Variants in KIF5A observed in about 807,000 individuals in gnomAD.
KIF5A encodes the protein kinesin heavy chain isoform 5A.
KIF5A carries 35 observed loss-of-function variants against 141.3 expected under a neutral mutation model. The ratio of observed to expected loss-of-function variants is 0.25; its 90% CI spans 0.19 to 0.33. The LOEUF (loss-of-function observed/expected upper bound fraction) is 0.33. Ranked by LOEUF, KIF5A falls within the 10% of genes least tolerant of loss-of-function variation. KIF5A has a pLI of 1.00. For synonymous variants in KIF5A, 448 were observed against 500.2 expected (o/e 0.90, Z 1.39); for missense variants, 861 against 1,314.3 (o/e 0.66, Z 5.33).
rs1882386176 is a variant in KIF5A, at chr12:57,575,234, G to A, written c.1867G>A (p.Gly623Arg). Reference sequence around the variant, plus strand: ...GTGTCACCGCAAGATGGAAGTGACCGGGCGGGAGCTCTCATCCTGCCAGCT... The same window carrying A: ...GTGTCACCGCAAGATGGAAGTGACCAGGCGGGAGCTCTCATCCTGCCAGCT... Reference protein sequence around the residue: ...VECHRKMEVTGRELSSCQLLI... With the variant: ...VECHRKMEVTRRELSSCQLLI... The change falls in exon 16 of 29, where the codon GGG becomes AGG. Residue 623 changes from glycine to arginine, a missense_variant. Coordinates refer to ENST00000455537, the MANE Select transcript of KIF5A (RefSeq NM_004984.4). 5 of 1,613,610 alleles carry A rather than the reference G, an allele frequency of 3.1e-6. No individual in the cohort carries two copies. The highest frequency in any genetic ancestry group is 2.2e-5 in the East Asian group (1 of 44,888).
chr12:57,568,588 G>A (rs1882143301), intron 8 of KIF5A, among the ~76,000 whole-genome samples: 1 of 152,124 alleles, frequency 6.6e-6, no homozygotes, highest in Non-Finnish European at 1.5e-5. Context: ...AGCTGGGCGT[G>A]GTGGCACATG....
intron 12 of KIF5A, among the ~76,000 whole-genome samples, chr12:57,570,734 C>T (rs1244483133): frequency 6.6e-6 from 1 of 152,068 alleles, no homozygotes; most frequent in Non-Finnish European, 1.5e-5. Flanking sequence ...TTATATTATG[C>T]ACAATTTCCT....
intron 7 of KIF5A, 81 bp downstream of exon 7, chr12:57,567,294 G>A: frequency 7.6e-7 from 1 of 1,323,412 alleles, no homozygotes; most frequent in Non-Finnish European, 1.1e-6. Context: ...GGACTCAAAA[G>A]TGAGCAAGGA....
chr12:57,581,719 C>T (rs1882608392), intron 25 of KIF5A, 151 bp downstream of exon 25: 2 of 1,216,334 alleles, frequency 1.6e-6, no homozygotes, highest in South Asian at 2.5e-5. Context: ...GGTGTCTGCC[C>T]TCCCAGCCTG....
At chr12:57,580,780 C>T (rs1882570656) in intron 23 of KIF5A, among the ~76,000 whole-genome samples, 176 bp from the exon 24 acceptor site, 1 of 152,224 alleles carries the variant, frequency 6.6e-6, no homozygotes, top group Non-Finnish European at 1.5e-5. Flanking sequence ...CTGGACAGAA[C>T]AGTCCATTAC....
At chr12:57,579,824 A>G (rs539395263) in intron 23 of KIF5A, among the ~76,000 whole-genome samples, 1 of 152,078 alleles carries the variant, frequency 6.6e-6, no homozygotes, top group African/African-American at 2.4e-5. Flanking sequence ...CCCCAGAAAA[A>G]TTTCCATGAA....
chr12:57,567,335 T>G (rs533170858), intron 7 of KIF5A, 122 bp downstream of exon 7: 259 of 1,215,994 alleles, frequency 2.1e-4, no homozygotes, highest in Middle Eastern at 7.5e-4. Context: ...GAGGACCCCT[T>G]GTCTGTGGGA....
intron 17 of KIF5A, 129 bp downstream of exon 17, chr12:57,575,886 C>A (rs1210940380): frequency 1.3e-5 from 12 of 914,950 alleles, no homozygotes; most frequent in Admixed American, 8.5e-5. Flanking sequence ...CATATGTTAG[C>A]CAAGGTTTTG....
At chr12:57,551,939 T>C (rs1188278479) in intron 1 of KIF5A, among the ~76,000 whole-genome samples, 1 of 152,158 alleles carries the variant, frequency 6.6e-6, no homozygotes, top group Non-Finnish European at 1.5e-5. Flanking sequence ...AGAGGGCCTC[T>C]GTTTCTTTTT....
intron 1 of KIF5A, among the ~76,000 whole-genome samples, chr12:57,560,699 C>T (rs572257230): frequency 1.8e-4 from 28 of 152,042 alleles, no homozygotes; most frequent in African/African-American, 6.8e-4. Context: ...CTTTTTGTTA[C>T]TAATTTATGA....
intron 1 of KIF5A, among the ~76,000 whole-genome samples, chr12:57,553,665 CT>C (rs1318452279): frequency 6.6e-6 from 1 of 152,132 alleles, no homozygotes; most frequent in Non-Finnish European, 1.5e-5. Context: ...CTTTGGACCC[CT>C]GATCTTAAAC....
Position 57,572,463 on chromosome 12 carries a change from G to A in KIF5A, c.1570-117G>A. The A allele has an allele frequency of 7.1e-7, 1 of 1,408,434 alleles. No homozygotes were observed. The highest frequency in any genetic ancestry group is 9.9e-7 in the Non-Finnish European group (1 of 1,014,302). 87.2% of individuals were successfully genotyped at this position (1,408,434 alleles called of 1,614,324 possible). On this transcript the variant is annotated intron_variant, in intron 14 of 28. Transcript: ENST00000455537. This position sits in a 1 kb window ranked among gnomAD's most constrained non-coding sequence, Gnocchi z 4.2. ...TCTGTCTTTCAGACTCTTCTGCAGG[G>A]CCTGTGTTCTCTTCATAGCAGCCCT...
chr12:57,583,387 C>T (rs1882666647), intron 28 of KIF5A, among the ~76,000 whole-genome samples, 172 bp downstream of exon 28: 1 of 152,154 alleles, frequency 6.6e-6, no homozygotes, highest in South Asian at 2.1e-4. Flanking sequence ...CTGTGCTGCC[C>T]CATGTAATCT....
chr12:57,576,507 G>T (rs531983858), intron 19 of KIF5A, 129 bp downstream of exon 19: 1 of 779,090 alleles, frequency 1.3e-6, no homozygotes, highest in East Asian at 2.6e-5. Flanking sequence ...CCACAACTTC[G>T]TAGCCCCACC....
Position 57,575,108 on chromosome 12 carries a change from G to A in KIF5A, c.1741G>A (p.Glu581Lys). 2 of 1,614,020 alleles carry A rather than the reference G, an allele frequency of 1.2e-6. No homozygotes were observed. Among genetic ancestry groups the A allele is most frequent in the Non-Finnish European group, 1.7e-6 (2 of 1,179,970 alleles). The change falls in exon 16 of 29, where the codon GAG becomes AAG. Residue 581 changes from glutamate to lysine, a missense_variant. Around this residue, in one of 5 missense-constraint regions of KIF5A, gnomAD observed 482 missense variants for 661.3 expected, o/e 0.73. Transcript: ENST00000455537. ...GCCAGTGGAGATCAGTGGGGCCATC[G>A]AGGAGGAGTTCACTGTGGCCCGACT... ...KLPVEISGAI[E>K]EEFTVARLYI...
rs1430441693 is a variant in KIF5A, at chr12:57,564,528, G to A, written c.445+20G>A. ...TGGATGGTGAGTGTTTTGTCCCAGT[G>A]GATGAGGGTGTGTGAGGAGGGTGGA... is the stretch of plus-strand genomic sequence containing the variant. On this transcript the variant is annotated intron_variant, in intron 5 of 28. Coordinates refer to ENST00000455537, the MANE Select transcript of KIF5A (RefSeq NM_004984.4). 6.3e-7 allele frequency: 1 copy of A among 1,592,766 alleles called. No individual in the cohort carries two copies. Among genetic ancestry groups the A allele is most frequent in the Non-Finnish European group, 8.6e-7 (1 of 1,160,988 alleles).
chr12:57,576,292 G>A lies in KIF5A; in HGVS notation c.2112G>A (p.Glu704=), dbSNP rs918777253. The A allele has an allele frequency of 6.8e-6, 11 of 1,614,096 alleles. No individual in the cohort carries two copies. Among genetic ancestry groups the A allele is most frequent in the Admixed American group, 5.0e-5 (3 of 60,026 alleles). The change falls in exon 19 of 29, where the codon GAG becomes GAA. Residue 704 remains glutamate (E), a synonymous_variant. Transcript: ENST00000455537. ...AGAAGGCTCTGGAGCTGCAGATGGA[G>A]AGTCACCGGGAGGCCCATCACCGGC... ...EVKKALELQM[E]SHREAHHRQL... is the part of the protein sequence containing the mutation.
At chr12:57,581,685 C>A (rs1565705137) in intron 25 of KIF5A, 117 bp downstream of exon 25, 5 of 1,320,412 alleles carry the variant, frequency 3.8e-6, no homozygotes, top group Non-Finnish European at 5.4e-6. Flanking sequence ...CCTTTCTCAA[C>A]TTCATGCCTA....
chr12:57,561,654 A>T (rs554421091), intron 1 of KIF5A, among the ~76,000 whole-genome samples: 1 of 152,322 alleles, frequency 6.6e-6, no homozygotes, highest in East Asian at 1.9e-4. Flanking sequence ...AAAAGAATAA[A>T]CGATTATTTC....
Sources: allele counts gnomAD v4.1 joint callset (sites outside exome capture counted in the v4.1 genomes callset), GRCh38; gene constraint gnomAD v4.1.1; regional missense constraint gnomAD v4.1.1; non-coding constraint Gnocchi (gnomAD v3.1); transcripts MANE v1.5; gene names NCBI Gene and HGNC (gene_info 2026-07-23, HGNC 2026-07-21).